Variants in NFATC3 observed in about 807,000 individuals in gnomAD.
NFATC3 encodes the protein nuclear factor of activated T cells 3.
In NFATC3, 46 loss-of-function variants were observed where a neutral mutation model predicts 98.6. That is an observed-to-expected ratio of 0.47 (90% CI 0.37 to 0.60). NFATC3 has a LOEUF of 0.60. Among genes scored for constraint, NFATC3 ranks in the 20% least tolerant of loss-of-function variants. The pLI, the probability that NFATC3 is intolerant of heterozygous loss-of-function variation, is 0.00. For missense variants in NFATC3, 1,256 were observed against 1,295.5 expected (o/e 0.97, Z 0.47); for synonymous variants, 512 against 472.2 (o/e 1.08, Z -1.09).
chr16:68,097,003 T>C (rs2035052359), intron 1 of NFATC3, among the ~76,000 whole-genome samples: 1 of 151,988 alleles, frequency 6.6e-6, no homozygotes, highest in African/African-American at 2.4e-5. Context: ...TGGGGACACA[T>C]GTATTTGAGA....
In NFATC3 at chr16:68,085,611, AGCT is replaced by A; in HGVS notation, c.-65_-63del. 1 of 1,344,246 alleles carries A rather than the reference AGCT, an allele frequency of 7.4e-7. No individual in the cohort carries two copies. Among genetic ancestry groups the A allele is most frequent in the Non-Finnish European group, 9.9e-7 (1 of 1,005,614 alleles). 83.3% of individuals were successfully genotyped at this position (1,344,246 alleles called of 1,614,324 possible). A position where few individuals can be genotyped will look rare whatever the true frequency, so the allele number is the denominator to read the frequency against. On this transcript the variant is annotated 5_prime_UTR_variant, in exon 1 of 10. Coordinates refer to ENST00000346183, the MANE Select transcript of NFATC3 (RefSeq NM_173165.3). ...GGCCCGGCATGAAGCGGCGTTGAGGAGCTGCTGCCGCCGCTTGCCGCTGCCGCC... is the reference window on the plus strand; with the variant it reads ...GGCCCGGCATGAAGCGGCGTTGAGGAGCTGCCGCCGCTTGCCGCTGCCGCC...
Position 68,138,779 on chromosome 16 carries a change from C to T in NFATC3, c.1401+12169C>T, listed in dbSNP as rs909562620. 3.9e-6 allele frequency: 5 copies of T among 1,269,590 alleles called. No homozygotes were observed. The Admixed American group carries it at 1.0e-4, about 26-fold the overall frequency. The allele number at this position is 1,269,590 out of a possible 1,614,324, so 78.6% of individuals were successfully genotyped here. A position where few individuals can be genotyped will look rare whatever the true frequency, so the allele number is the denominator to read the frequency against. ...CTGTAGTATAATATAGAACTCTATA[C>T]TTAAATCTTTGGTGGTTAGTGTGCC... is the stretch of plus-strand genomic sequence containing the variant. On this transcript the variant is annotated intron_variant, in intron 3 of 9. Coordinates refer to ENST00000346183, the MANE Select transcript of NFATC3 (RefSeq NM_173165.3).
chr16:68,222,289 C>CCAAAA (rs1372339245), intron 9 of NFATC3, among the ~76,000 whole-genome samples: 14 of 26,418 alleles, frequency 5.3e-4, no homozygotes, highest in African/African-American at 1.3e-3. Flanking sequence ...ACCCCATTGC[C>CCAAAA]AAAAAAAAAA....
intron 9 of NFATC3, chr16:68,221,206 C>T: frequency 1.2e-6 from 2 of 1,613,784 alleles, no homozygotes; most frequent in South Asian, 2.2e-5. Context: ...ATTTGTTTAC[C>T]AGTAATAATT....
intron 9 of NFATC3, chr16:68,221,145 A>C: frequency 1.3e-6 from 2 of 1,592,294 alleles, no homozygotes; most frequent in East Asian, 4.5e-5. Context: ...AACAACTTAA[A>C]AATTGTGCTT....
chr16:68,095,735 A>G (rs74604428), intron 1 of NFATC3, among the ~76,000 whole-genome samples: 7,661 of 152,210 alleles, frequency 0.05, 257 homozygotes, highest in Non-Finnish European at 0.08. Flanking sequence ...TTGCTTTGTC[A>G]GAGTCCTTGG....
At chr16:68,185,862 C>CAAA (rs764335192) in intron 8 of NFATC3, among the ~76,000 whole-genome samples, 123 of 49,096 alleles carry the variant, frequency 2.5e-3, no homozygotes, top group Non-Finnish European at 3.7e-3. Flanking sequence ...GACTCCGTCT[C>CAAA]AAAAAAAAAA....
At position 68,174,330 on chromosome 16, in the gene NFATC3, T is replaced by G. The variant is rs191576894; in HGVS notation, c.1775-44T>G. The G allele has an allele frequency of 6.8e-4, 916 of 1,346,458 alleles. 3 individuals carry two copies. The highest frequency in any genetic ancestry group is 1.2e-3 in the South Asian group (56 of 45,214). 83.4% of individuals were successfully genotyped at this position (1,346,458 alleles called of 1,614,324 possible). A position where few individuals can be genotyped will look rare whatever the true frequency, so the allele number is the denominator to read the frequency against. ...CATTTATGTATCAAAGATTTTTAAC[T>G]AATATTTTGTTTTTTCTCAACTCTT... is the stretch of plus-strand genomic sequence containing the variant. On this transcript the variant is annotated intron_variant, in intron 5 of 9. Transcript: ENST00000346183.
chr16:68,110,569 C>G (rs1301098946), intron 1 of NFATC3, among the ~76,000 whole-genome samples: 1 of 152,066 alleles, frequency 6.6e-6, no homozygotes, highest in Non-Finnish European at 1.5e-5. Context: ...CCGCCTCAGC[C>G]TCCCAAAGTG....
At chr16:68,199,080 G>A (rs753431532) in intron 9 of NFATC3, among the ~76,000 whole-genome samples, 4 of 151,718 alleles carry the variant, frequency 2.6e-5, no homozygotes, top group Non-Finnish European at 5.9e-5. Flanking sequence ...GCTGATCATG[G>A]TGATGTGTGC....
chr16:68,108,755 C>T (rs2035796276), intron 1 of NFATC3, among the ~76,000 whole-genome samples: 1 of 152,140 alleles, frequency 6.6e-6, no homozygotes, highest in African/African-American at 2.4e-5. Flanking sequence ...TTTCCTTGAG[C>T]AGTGGTTTGT....
intron 1 of NFATC3, among the ~76,000 whole-genome samples, chr16:68,095,933 C>G (rs569822496): frequency 6.6e-6 from 1 of 152,288 alleles, no homozygotes; most frequent in East Asian, 1.9e-4. Context: ...AGTGTCAAAT[C>G]TGATTTGTCA....
intron 1 of NFATC3, among the ~76,000 whole-genome samples, chr16:68,093,211 T>C (rs1045321350): frequency 1.3e-5 from 2 of 152,212 alleles, no homozygotes; most frequent in Non-Finnish European, 2.9e-5. Flanking sequence ...CCAAAGACTT[T>C]TTCTTTTGTG....
intron 8 of NFATC3, among the ~76,000 whole-genome samples, chr16:68,188,429 T>A (rs1359952847): frequency 1.3e-5 from 2 of 152,196 alleles, no homozygotes; most frequent in Non-Finnish European, 2.9e-5. Flanking sequence ...GCTCCCGCCC[T>A]GCCAATTCAG....
intron 3 of NFATC3, among the ~76,000 whole-genome samples, chr16:68,151,093 A>C (rs1327946646): frequency 1.3e-5 from 2 of 152,044 alleles, no homozygotes; most frequent in African/African-American, 4.8e-5. Context: ...TGTAGCTCAC[A>C]CCTGTAATCA....
intron 8 of NFATC3, among the ~76,000 whole-genome samples, chr16:68,185,242 G>T (rs1241825508): frequency 6.6e-6 from 1 of 152,138 alleles, no homozygotes; most frequent in Non-Finnish European, 1.5e-5. Flanking sequence ...CTTCCAAAGC[G>T]CTGGGATTGC....
intron 9 of NFATC3, among the ~76,000 whole-genome samples, chr16:68,214,936 C>G (rs1485857624): frequency 6.6e-6 from 1 of 152,156 alleles, no homozygotes; most frequent in Non-Finnish European, 1.5e-5. Context: ...AGCTGTAGTA[C>G]TAGAGCCAGT....
chr16:68,205,002 T>G (rs1269280553), intron 9 of NFATC3, among the ~76,000 whole-genome samples: 1 of 151,910 alleles, frequency 6.6e-6, no homozygotes, highest in Non-Finnish European at 1.5e-5. Flanking sequence ...TCTTTTTTTT[T>G]TTTTTTTTTA....
chr16:68,201,496 C>G (rs1463893285), intron 9 of NFATC3, among the ~76,000 whole-genome samples: 5 of 150,512 alleles, frequency 3.3e-5, no homozygotes, highest in Non-Finnish European at 5.9e-5. Flanking sequence ...GTCTCAAACT[C>G]CTGGGCTCAA....
Sources: gnomAD v4.1 joint callset for allele counts (sites outside exome capture counted in the v4.1 genomes callset) on GRCh38, gnomAD v4.1.1 for gene constraint, MANE v1.5 for transcripts, NCBI Gene and HGNC (gene_info 2026-07-23, HGNC 2026-07-21) for gene names.